TLN1: variants seen among roughly 807,000 people sequenced by gnomAD.
TLN1 encodes talin-1.
In TLN1, 56 loss-of-function variants were observed where a neutral mutation model predicts 292.3. The ratio of observed to expected loss-of-function variants is 0.19; its 90% confidence interval spans 0.15 to 0.24. The LOEUF (loss-of-function observed/expected upper bound fraction) is 0.24, where lower values mean the gene tolerates loss of function less well. Among genes scored for constraint, TLN1 ranks in the 10% least tolerant of loss-of-function variants. TLN1 has a pLI of 1.00. For synonymous variants in TLN1, 1,119 were observed against 1,253.7 expected (o/e 0.89, Z 2.27); for missense variants, 2,433 against 3,248.2 (o/e 0.75, Z 6.10).
At position 35,724,956 on chromosome 9, in the gene TLN1, T is replaced by C; in HGVS notation, c.232A>G (p.Thr78Ala). ...LDYYMLRNGD[T>A]MEYRKKQRPL... ...CTCTGTTTCTTCCTGTACTCCATAGTGTCCTGTTAGGGCAGGAAGAAGAGA... is the reference window on the plus strand; with the variant it reads ...CTCTGTTTCTTCCTGTACTCCATAGCGTCCTGTTAGGGCAGGAAGAAGAGA... Residue 78 changes from threonine (T) to alanine (A), a missense_variant, in exon 4 of 57, where the codon ACT becomes GCT. Around this residue, in one of 7 missense-constraint regions of TLN1, gnomAD observed 155 missense variants for 287.9 expected, o/e 0.54. Transcript: ENST00000314888. This position sits in a 1 kb window ranked among gnomAD's most constrained non-coding sequence, Gnocchi z 4.7. 1 of 1,614,156 alleles carries C rather than the reference T, an allele frequency of 6.2e-7. No individual in the cohort carries two copies. The highest frequency in any genetic ancestry group is 8.5e-7 in the Non-Finnish European group (1 of 1,180,038).
chr9:35,719,068 C>T lies in TLN1; in HGVS notation c.1896+6G>A. 1 of 1,610,074 alleles carries T rather than the reference C, an allele frequency of 6.2e-7. No homozygotes were observed. The highest frequency in any genetic ancestry group is 8.5e-7 in the Non-Finnish European group (1 of 1,177,770). On this transcript the variant is annotated splice_donor_region_variant and intron_variant, in intron 16 of 56. Coordinates refer to ENST00000314888, the MANE Select transcript of TLN1 (RefSeq NM_006289.4). This position sits in a 1 kb window ranked among gnomAD's most constrained non-coding sequence, Gnocchi z 4.6. ...TCCACCCTAACCCAAACCTGTGGCC[C>T]CTGACCTCAGCACTGGCTGGTTGGG...
At chr9:35,715,351 T>C (rs545867371) in intron 20 of TLN1, among the ~76,000 whole-genome samples, 164 bp from the exon 21 acceptor site, 115 of 152,352 alleles carry the variant, frequency 7.5e-4, no homozygotes, top group African/African-American at 2.7e-3. Flanking sequence ...AGCTGACTCA[T>C]GAAGGTCAAT....
In TLN1 at chr9:35,699,343, G is replaced by A. The variant is rs1427360135; in HGVS notation, c.6874+13C>T. 2 of 1,605,550 alleles carry A rather than the reference G, an allele frequency of 1.2e-6. No individual in the cohort carries two copies. Among genetic ancestry groups the A allele is most frequent in the Non-Finnish European group, 1.7e-6 (2 of 1,175,702 alleles). On this transcript the variant is annotated intron_variant, in intron 51 of 56. Coordinates refer to ENST00000314888, the MANE Select transcript of TLN1 (RefSeq NM_006289.4). The surrounding 1 kb of genome is among the most constrained non-coding windows in gnomAD (Gnocchi z 4.0). Reference sequence around the variant, plus strand: ...GGGTTTTCCATCCGTCCCTGTCCCTGGTCACCCCTCACCCTTCATGGCTTC... The same window carrying A: ...GGGTTTTCCATCCGTCCCTGTCCCTAGTCACCCCTCACCCTTCATGGCTTC...
chr9:35,721,577 G>A, intron 10 of TLN1, 71 bp downstream of exon 10: 1 of 1,539,764 alleles, frequency 6.5e-7, no homozygotes, highest in Admixed American at 1.8e-5. Context: ...CCAAGAGAGG[G>A]AAGAGACCTC....
At position 35,697,668 on chromosome 9, in the gene TLN1, G is replaced by A. The variant is rs895633430; in HGVS notation, c.*123C>T. ...CGGGACTGGGCGGGGCCAGGCCCTG[G>A]GGTTTGGCAGGCACTTTGGGGAGTG... On this transcript the variant is annotated 3_prime_UTR_variant, in exon 57 of 57. Transcript: ENST00000314888. 4.0e-5 allele frequency: 57 copies of A among 1,433,108 alleles called. No individual in the cohort carries two copies. Among genetic ancestry groups the A allele is most frequent in the Non-Finnish European group, 3.9e-5 (41 of 1,061,608 alleles). 88.8% of individuals were successfully genotyped at this position (1,433,108 alleles called of 1,614,324 possible). A position where few individuals can be genotyped will look rare whatever the true frequency, so the allele number is the denominator to read the frequency against.
chr9:35,721,794 T>C lies in TLN1; in HGVS notation c.958A>G (p.Lys320Glu). The change falls in exon 10 of 57, where the codon AAA becomes GAA. Residue 320 changes from lysine (K) to glutamate (E), a missense_variant. Lys to Glu is a moderately conservative substitution (Grantham distance 56). Coordinates refer to ENST00000314888, the MANE Select transcript of TLN1 (RefSeq NM_006289.4). ...CTGGGCACTAGCTTGTTCTTCCCTT[T>C]CATTTTTTCCTATGAGGCAGAGGTT... is the stretch of plus-strand genomic sequence containing the variant. ...VSFFLVKEKM[K>E]GKNKLVPRLL... The C allele has an allele frequency of 6.2e-7, 1 of 1,609,352 alleles. No individual in the cohort carries two copies. Among genetic ancestry groups the C allele is most frequent in the Non-Finnish European group, 8.5e-7 (1 of 1,175,862 alleles).
chr9:35,714,577 C>T lies in TLN1; in HGVS notation c.2982G>A (p.Leu994=), dbSNP rs970278019. The part of the protein sequence containing the change: ...LALIAASQSF[L]QPGGKMVAAA... Reference sequence around the variant, plus strand: ...AAGTGCAGAGGGGGTGCCTTGCCTGCAGGAAGCTCTGGCTGGCAGCAATGA... The same window carrying T: ...AAGTGCAGAGGGGGTGCCTTGCCTGTAGGAAGCTCTGGCTGGCAGCAATGA... The change falls in exon 23 of 57, where the codon CTG becomes CTA. Residue 994 remains leucine (L), a synonymous_variant. Transcript: ENST00000314888. The surrounding 1 kb of genome is among the most constrained non-coding windows in gnomAD (Gnocchi z 4.6). The T allele has an allele frequency of 6.2e-7, 1 of 1,609,768 alleles. No individual in the cohort carries two copies.
In TLN1 at chr9:35,710,530, CCATT is replaced by C. The variant is rs755717555; in HGVS notation, c.4326+27_4326+30del. 5.0e-6 allele frequency: 8 copies of C among 1,599,314 alleles called. 1 individual carries two copies. In the Middle Eastern group the frequency reaches 6.6e-4, roughly 131 times the overall value. On this transcript the variant is annotated intron_variant, in intron 33 of 56. Transcript: ENST00000314888. Reference sequence around the variant, plus strand: ...GAAAATGGGGTAAAGAAAGTAGGGGCCATTCAAAGAACCCATCTCAGGAAAATAA... The same window carrying C: ...GAAAATGGGGTAAAGAAAGTAGGGGCCAAAGAACCCATCTCAGGAAAATAA...
chr9:35,705,520 G>A (rs200049908), intron 43 of TLN1, 31 bp downstream of exon 43: 2 of 1,540,442 alleles, frequency 1.3e-6, no homozygotes, highest in African/African-American at 1.4e-5. Flanking sequence ...ACAAGGGGCA[G>A]GGGGCAGGGC....
At position 35,706,640 on chromosome 9, in the gene TLN1, C is replaced by T. The variant is rs1167824317; in HGVS notation, c.5089-89G>A. The stretch of plus-strand genomic sequence containing the variant: ...ACTGCTCTTCTGTCCATACCAAATA[C>T]CCTAACCCTCCTTCGCACATCCCAG... On this transcript the variant is annotated intron_variant, in intron 38 of 56. Transcript: ENST00000314888. This position sits in a 1 kb window ranked among gnomAD's most constrained non-coding sequence, Gnocchi z 4.2. 38 of 1,585,592 alleles carry T rather than the reference C, an allele frequency of 2.4e-5. No individual in the cohort carries two copies. In the East Asian group the frequency reaches 4.3e-4, roughly 18 times the overall value.
Position 35,720,176 on chromosome 9 carries a change from C to G in TLN1, c.1327G>C (p.Glu443Gln). 6.2e-7 allele frequency: 1 copy of G among 1,606,496 alleles called. No homozygotes were observed. Among genetic ancestry groups the G allele is most frequent in the Non-Finnish European group, 8.5e-7 (1 of 1,176,694 alleles). ...QQQYNRVGKV[E>Q]HGSVALPAIM... Reference sequence around the variant, plus strand: ...GCAGGCAGGGCCACAGAGCCATGCTCCACTTTCCCCACCCGGTTGTATTGC... The same window carrying G: ...GCAGGCAGGGCCACAGAGCCATGCTGCACTTTCCCCACCCGGTTGTATTGC... Residue 443 changes from glutamate to glutamine, a missense_variant, in exon 13 of 57, where the codon GAG becomes CAG. Around this residue, in one of 7 missense-constraint regions of TLN1, gnomAD observed 617 missense variants for 770.6 expected, o/e 0.80. Transcript: ENST00000314888.
Position 35,724,662 on chromosome 9 carries a change from T to A in TLN1, c.421A>T (p.Ile141Leu). The stretch of plus-strand genomic sequence containing the variant: ...TTGTCCTTTCTTAAGGTCCCTGTTA[T>A]TTCCTCCTTTTTCTCTTCCATCAGC... ...RELMEEKKEE[I>L]TGTLRKDKTL... The change falls in exon 5 of 57, where the codon ATA becomes TTA. Residue 141 changes from isoleucine (I) to leucine (L), a missense_variant. Around this residue, in one of 7 missense-constraint regions of TLN1, gnomAD observed 155 missense variants for 287.9 expected, o/e 0.54. Coordinates refer to ENST00000314888, the MANE Select transcript of TLN1 (RefSeq NM_006289.4). This position sits in a 1 kb window ranked among gnomAD's most constrained non-coding sequence, Gnocchi z 4.7. 1.2e-6 allele frequency: 2 copies of A among 1,614,234 alleles called. No homozygotes were observed. The highest frequency in any genetic ancestry group is 3.3e-5 in the Admixed American group (2 of 60,026).
Position 35,713,257 on chromosome 9 carries a change from G to A in TLN1, c.3291C>T (p.Ala1097=), listed in dbSNP as rs372788337. 1.0e-5 allele frequency: 16 copies of A among 1,599,404 alleles called. No homozygotes were observed. Among genetic ancestry groups the A allele is most frequent in the African/African-American group, 6.7e-5 (5 of 74,662 alleles). The change falls in exon 26 of 57, where the codon GCC becomes GCT. Residue 1097 remains alanine (A), a synonymous_variant. Coordinates refer to ENST00000314888, the MANE Select transcript of TLN1 (RefSeq NM_006289.4). ...CTQDLGNSTK[A]VSSAIAQLLG... ...GTAGCTGGGCGATGGCTGAGCTCAC[G>A]GCTTTGGTGCTGTTGCCCAGGTCCT... is the stretch of plus-strand genomic sequence containing the variant.
chr9:35,708,210 A>G (rs1825599055), intron 34 of TLN1, 131 bp downstream of exon 34: 11 of 1,200,074 alleles, frequency 9.2e-6, no homozygotes, highest in Non-Finnish European at 1.3e-5. Flanking sequence ...CAGTTACCCA[A>G]AAAGAAGCTG....
chr9:35,711,677 T>C lies in TLN1; in HGVS notation c.3797A>G (p.Asp1266Gly), dbSNP rs536145683. 4 of 1,614,116 alleles carry C rather than the reference T, an allele frequency of 2.5e-6. No individual in the cohort carries two copies. The highest frequency in any genetic ancestry group is 2.2e-5 in the East Asian group (1 of 44,872). ...LVQASRGTPQ[D>G]LARASGRFGQ... ...AAATCGGCCTGAGGCTCGAGCCAGG[T>C]CCTGAGGGGTTCCCCGAGAGGCCTG... Residue 1266 changes from aspartate to glycine, a missense_variant, in exon 29 of 57, where the codon GAC becomes GGC. Transcript: ENST00000314888.
chr9:35,718,854 C>T lies in TLN1; in HGVS notation c.1953G>A (p.Leu651=). ...TATCACTTTCCCCAATTTGTTGCAA[C>T]AGCTCCCCACTGGCCTGGCCCACGT... ...AGNVGQASGE[L]LQQIGESDTD... Residue 651 remains leucine, a synonymous_variant, in exon 17 of 57, where the codon CTG becomes CTA. Transcript: ENST00000314888. The T allele has an allele frequency of 1.9e-6, 3 of 1,613,790 alleles. No homozygotes were observed. In the South Asian group the frequency reaches 3.3e-5, roughly 18 times the overall value.
chr9:35,712,260 G>T, intron 27 of TLN1, 136 bp from the exon 28 acceptor site: 2 of 1,248,834 alleles, frequency 1.6e-6, no homozygotes, highest in Non-Finnish European at 2.2e-6. Flanking sequence ...AGGTGAACAG[G>T]CTGAGGTTAG....
chr9:35,705,812 C>T lies in TLN1; in HGVS notation c.5551G>A (p.Val1851Met), dbSNP rs1390613112. 1.2e-5 allele frequency: 20 copies of T among 1,614,118 alleles called. No homozygotes were observed. The highest frequency in any genetic ancestry group is 2.2e-5 in the East Asian group (1 of 44,900). The change falls in exon 42 of 57, where the codon GTG becomes ATG. Residue 1851 changes from valine (V) to methionine (M), a missense_variant. Val to Met is a conservative substitution (Grantham distance 21, BLOSUM62 1). This residue lies in a region of TLN1 where 1,384 missense variants were observed against 1,699.6 expected (regional missense o/e 0.81). Coordinates refer to ENST00000314888, the MANE Select transcript of TLN1 (RefSeq NM_006289.4). The part of the protein sequence containing the change: ...GPMGEPEGSF[V>M]DYQTTMVRTA... ...CGCACCATAGTTGTTTGGTAATCCA[C>T]GAAGGAACCTTCTGGTTCACCCATT...
At position 35,724,358 on chromosome 9, in the gene TLN1, G is replaced by C; in HGVS notation, c.512-24C>G. 1 of 1,613,874 alleles carries C rather than the reference G, an allele frequency of 6.2e-7. No individual in the cohort carries two copies. Among genetic ancestry groups the C allele is most frequent in the Non-Finnish European group, 8.5e-7 (1 of 1,179,872 alleles). ...CACTGGGATACAGACAGTCCCCTCA[G>C]TGCCAAACCCCCATGGCCCCTGTGC... On this transcript the variant is annotated intron_variant, in intron 5 of 56. Transcript: ENST00000314888. This position sits in a 1 kb window ranked among gnomAD's most constrained non-coding sequence, Gnocchi z 4.7.
Sources: allele counts gnomAD v4.1 joint callset (sites outside exome capture counted in the v4.1 genomes callset), GRCh38; gene constraint gnomAD v4.1.1; regional missense constraint gnomAD v4.1.1; non-coding constraint Gnocchi (gnomAD v3.1); transcripts MANE v1.5; gene names NCBI Gene and HGNC (gene_info 2026-07-23, HGNC 2026-07-21).